CPEB3: variants seen among roughly 807,000 people sequenced by gnomAD.
CPEB3 encodes the protein cytoplasmic polyadenylation element binding protein 3.
A neutral mutation model predicts 67.2 loss-of-function variants in CPEB3; 20 were observed. That is an observed-to-expected ratio of 0.30 (90% CI 0.21 to 0.43). The LOEUF (loss-of-function observed/expected upper bound fraction) is 0.43. CPEB3 is among the 20% of genes least tolerant of loss of function. The probability of loss-of-function intolerance (pLI) is 1.00; values close to 1 mark genes in which losing one functional copy is unlikely to be tolerated. For missense variants in CPEB3, 746 were observed against 968.6 expected, an observed-to-expected ratio of 0.77 and a Z score of 3.05; for synonymous variants, 376 against 393.1, an observed-to-expected ratio of 0.96 and a Z score of 0.51.
chr10:92,108,838 T>C (rs1175699845), intron 7 of CPEB3, among the ~76,000 whole-genome samples: 2 of 152,190 alleles, frequency 1.3e-5, no homozygotes, highest in Admixed American at 1.3e-4. Context: ...GGATAATACA[T>C]GTGTTTCTAC....
Position 92,081,366 on chromosome 10 carries a change from A to G in CPEB3, c.1823T>C (p.Ile608Thr). The change falls in exon 9 of 10, where the codon ATC becomes ACC. Residue 608 changes from isoleucine to threonine, a missense_variant. Transcript: ENST00000265997. Reference protein sequence around the residue: ...FSNQQSYIAAISARFVQLQHN... With the variant: ...FSNQQSYIAATSARFVQLQHN... The stretch of plus-strand genomic sequence containing the variant: ...CTGAAGCTGCACAAAACGAGCGCTG[A>G]TGGCTGCAATGTAACTCTGCTGATT... 6.2e-7 allele frequency: 1 copy of G among 1,614,210 alleles called. No individual in the cohort carries two copies. Among genetic ancestry groups the G allele is most frequent in the Non-Finnish European group, 8.5e-7 (1 of 1,180,040 alleles).
intron 2 of CPEB3, among the ~76,000 whole-genome samples, chr10:92,234,072 C>T (rs1451077331): frequency 6.8e-6 from 1 of 146,274 alleles, no homozygotes; most frequent in Non-Finnish European, 1.5e-5. Flanking sequence ...TACCACTGTA[C>T]TCCAGCTTGG....
intron 1 of CPEB3, among the ~76,000 whole-genome samples, chr10:92,250,955 T>A (rs1427705292): frequency 6.9e-6 from 1 of 145,594 alleles, no homozygotes. Flanking sequence ...GGTCTTGAAC[T>A]CCTGAGCTCA....
chr10:92,212,451 G>A (rs1850145491), intron 2 of CPEB3, among the ~76,000 whole-genome samples: 1 of 151,980 alleles, frequency 6.6e-6, no homozygotes, highest in African/African-American at 2.4e-5. Context: ...GTTTCACCAT[G>A]TTGGCCAGGC....
chr10:92,130,882 C>T (rs1000985797), intron 6 of CPEB3, among the ~76,000 whole-genome samples: 1 of 152,082 alleles, frequency 6.6e-6, no homozygotes, highest in Admixed American at 6.5e-5. Flanking sequence ...TACACACAAG[C>T]CTAATACAGC....
chr10:92,173,512 TAGAG>T (rs920284301), intron 4 of CPEB3, among the ~76,000 whole-genome samples: 3 of 152,116 alleles, frequency 2.0e-5, no homozygotes, highest in Non-Finnish European at 4.4e-5. Context: ...ATAATAATAA[TAGAG>T]AAACTATTTT....
intron 1 of CPEB3, among the ~76,000 whole-genome samples, chr10:92,270,263 A>G (rs1853247050): frequency 6.6e-6 from 1 of 152,236 alleles, no homozygotes; most frequent in Non-Finnish European, 1.5e-5. Context: ...AGTAGCAGAC[A>G]TATGAAACCC....
intron 4 of CPEB3, among the ~76,000 whole-genome samples, chr10:92,165,403 C>T (rs374089397): frequency 3.8e-4 from 46 of 121,422 alleles, no homozygotes; most frequent in South Asian, 1.5e-3. Flanking sequence ...CTTTTTTCTT[C>T]TTTTTTTTTT....
intron 7 of CPEB3, among the ~76,000 whole-genome samples, chr10:92,102,392 C>A (rs922085861): frequency 1.1e-4 from 17 of 152,022 alleles, no homozygotes; most frequent in Non-Finnish European, 2.9e-5. Context: ...AGACAGGGAG[C>A]CAAAAGTAAC....
chr10:92,054,910 T>C (rs1842054926), intron 9 of CPEB3, among the ~76,000 whole-genome samples: 1 of 152,216 alleles, frequency 6.6e-6, no homozygotes. Context: ...ATTGCAAGAC[T>C]TGTCCACAAT....
intron 1 of CPEB3, among the ~76,000 whole-genome samples, chr10:92,275,028 A>G (rs1841916194): frequency 6.6e-6 from 1 of 152,160 alleles, no homozygotes; most frequent in Admixed American, 6.6e-5. Context: ...TCCTGCTACC[A>G]CAATTCTCTG....
intron 1 of CPEB3, among the ~76,000 whole-genome samples, chr10:92,268,821 G>A (rs60968131): frequency 0.073 from 11,112 of 152,166 alleles, 1,354 homozygotes; most frequent in African/African-American, 0.25. Context: ...CAACCATTGG[G>A]GTGGGGAGAT....
chr10:92,238,031 C>T (rs1230891362), intron 2 of CPEB3, among the ~76,000 whole-genome samples: 1 of 152,168 alleles, frequency 6.6e-6, no homozygotes, highest in Non-Finnish European at 1.5e-5. Context: ...CCACTCCAAA[C>T]ATCTGTAATG....
intron 4 of CPEB3, among the ~76,000 whole-genome samples, chr10:92,152,369 C>T (rs1376133036): frequency 6.6e-6 from 1 of 152,210 alleles, no homozygotes; most frequent in African/African-American, 2.4e-5. Flanking sequence ...CTGGACACTT[C>T]ATATAAATGG....
At chr10:92,287,079 T>C (rs1296635576) in intron 1 of CPEB3, among the ~76,000 whole-genome samples, 1 of 152,334 alleles carries the variant, frequency 6.6e-6, no homozygotes, top group Admixed American at 6.5e-5. Context: ...AAAAAGTTGT[T>C]TTTGTCTATA....
chr10:92,104,703 T>C (rs1006973072), intron 7 of CPEB3, among the ~76,000 whole-genome samples: 27 of 152,122 alleles, frequency 1.8e-4, no homozygotes, highest in South Asian at 4.2e-4. Context: ...CAACGTTTTT[T>C]AGACCTCCCT....
chr10:92,256,188 A>G (rs1470470446), intron 1 of CPEB3, among the ~76,000 whole-genome samples: 2 of 152,014 alleles, frequency 1.3e-5, no homozygotes, highest in African/African-American at 2.4e-5. Flanking sequence ...CTGACATCCT[A>G]TCGTCTCCAT....
chr10:92,221,318 C>A (rs1850688156), intron 2 of CPEB3, among the ~76,000 whole-genome samples: 2 of 152,016 alleles, frequency 1.3e-5, no homozygotes, highest in African/African-American at 2.4e-5. Context: ...TATGATGAAA[C>A]CCCATCTGTA....
chr10:92,215,534 C>T (rs1353870404), intron 2 of CPEB3, among the ~76,000 whole-genome samples: 4 of 137,032 alleles, frequency 2.9e-5, no homozygotes, highest in South Asian at 2.4e-4. Flanking sequence ...CTCCACCTCC[C>T]GGGTTCAAGC....
Sources: gnomAD v4.1 joint callset for allele counts (sites outside exome capture counted in the v4.1 genomes callset) on GRCh38, gnomAD v4.1.1 for gene constraint, MANE v1.5 for transcripts, NCBI Gene and HGNC (gene_info 2026-07-23, HGNC 2026-07-21) for gene names.